Variants in ENPEP observed in about 807,000 individuals in gnomAD.
ENPEP encodes the protein AP-A.
In ENPEP, 103 loss-of-function variants were observed where a neutral mutation model predicts 114.5. The observed-to-expected ratio is 0.90, with a 90% CI of 0.77 to 1.06. The LOEUF (loss-of-function observed/expected upper bound fraction) is 1.06. Ranked by LOEUF, ENPEP falls within the 50% of genes least tolerant of loss-of-function variation. ENPEP has a pLI of 0.00. For missense variants in ENPEP, 1,196 were observed against 1,161.3 expected, an observed-to-expected ratio of 1.03 and a Z score of -0.43; for synonymous variants, 420 against 422.0, an observed-to-expected ratio of 1.00 and a Z score of 0.06.
At chr4:110,536,366 T>A (rs1256855057) in intron 11 of ENPEP, among the ~76,000 whole-genome samples, 1 of 152,206 alleles carries the variant, frequency 6.6e-6, no homozygotes, top group Non-Finnish European at 1.5e-5. Flanking sequence ...TCCTGTCTTC[T>A]TCCTTCTTAT....
rs180886682 is a variant in ENPEP, at chr4:110,536,771, T to A, written c.1807+5494T>A. ...TTTCAACTACCAAAATTATTGCTAA[T>A]TGTAATCTTTCCTCATGATAATTGG... On this transcript the variant is annotated intron_variant, in intron 11 of 19. Coordinates refer to ENST00000265162, the MANE Select transcript of ENPEP (RefSeq NM_001977.4). Among the ~76,000 whole-genome samples, 299 of 152,304 alleles carry A rather than the reference T, an allele frequency of 2.0e-3. 2 individuals carry two copies. The highest frequency in any genetic ancestry group is 7.0e-3 in the African/African-American group (292 of 41,560).
chr4:110,510,176 T>G, intron 5 of ENPEP, 69 bp from the exon 6 acceptor site: 1 of 1,293,376 alleles, frequency 7.7e-7, no homozygotes, highest in Non-Finnish European at 1.1e-6. Flanking sequence ...ATAAATGTTT[T>G]GACATTTTCT....
At position 110,549,442 on chromosome 4, in the gene ENPEP, T is replaced by G. The variant is rs1272407649; in HGVS notation, c.2225+23T>G. Reference sequence around the variant, plus strand: ...AAAGTTATTCTCACTTTTTAACAACTAAAATTCATTTAACATTTGTTTTTT... The same window carrying G: ...AAAGTTATTCTCACTTTTTAACAACGAAAATTCATTTAACATTTGTTTTTT... On this transcript the variant is annotated intron_variant, in intron 15 of 19. Coordinates refer to ENST00000265162, the MANE Select transcript of ENPEP (RefSeq NM_001977.4). The G allele has an allele frequency of 5.6e-6, 9 of 1,612,510 alleles. No homozygotes were observed. In the South Asian group the frequency reaches 7.7e-5, roughly 14 times the overall value.
intron 1 of ENPEP, among the ~76,000 whole-genome samples, chr4:110,478,675 G>T (rs1449621461): frequency 6.6e-6 from 1 of 152,184 alleles, no homozygotes; most frequent in Non-Finnish European, 1.5e-5. Flanking sequence ...CTGGACTCAA[G>T]CAATCCTCCT....
At chr4:110,535,366 TAATACCAAA>T (rs1726573319) in intron 11 of ENPEP, among the ~76,000 whole-genome samples, 2 of 152,228 alleles carry the variant, frequency 1.3e-5, no homozygotes, top group Non-Finnish European at 2.9e-5. Context: ...CATAAATATT[TAATACCAAA>T]ATAATGATGG....
chr4:110,542,121 T>A (rs478454), intron 11 of ENPEP, among the ~76,000 whole-genome samples: 1 of 151,926 alleles, frequency 6.6e-6, no homozygotes, highest in East Asian at 1.9e-4. Flanking sequence ...ATAAATAAAT[T>A]GGAAGAACAA....
chr4:110,549,300 A>G (rs200494013), intron 14 of ENPEP, 46 bp from the exon 15 acceptor site: 1 of 1,450,526 alleles, frequency 6.9e-7, no homozygotes, highest in East Asian at 2.3e-5. Context: ...GATACTACTG[A>G]TATGTAGTAA....
In ENPEP at chr4:110,525,039, A is replaced by G. The variant is rs796735286; in HGVS notation, c.1727+4673A>G. 7.2e-5 allele frequency among the ~76,000 whole-genome samples: 11 copies of G among 152,224 alleles called. No individual in the cohort carries two copies. The South Asian group carries it at 2.3e-3, about 31-fold the overall frequency. Reference sequence around the variant, plus strand: ...AGTGTTAGGATTACAAGTGTGAGCCATCGCAGATGACCTCAAATTTTAAAA... The same window carrying G: ...AGTGTTAGGATTACAAGTGTGAGCCGTCGCAGATGACCTCAAATTTTAAAA... On this transcript the variant is annotated intron_variant, in intron 10 of 19. Coordinates refer to ENST00000265162, the MANE Select transcript of ENPEP (RefSeq NM_001977.4).
At position 110,515,362 on chromosome 4, in the gene ENPEP, T is replaced by G. The variant is rs1192720940; in HGVS notation, c.1444-15T>G. The G allele has an allele frequency of 6.2e-7, 1 of 1,604,660 alleles. No homozygotes were observed. The highest frequency in any genetic ancestry group is 2.2e-5 in the East Asian group (1 of 44,572). Reference sequence around the variant, plus strand: ...GCCTTTATTAGTTTCATTTGTCTTTTTATCCCCATTGTAGGGATCTTCTAT... The same window carrying G: ...GCCTTTATTAGTTTCATTTGTCTTTGTATCCCCATTGTAGGGATCTTCTAT... On this transcript the variant is annotated splice_polypyrimidine_tract_variant and intron_variant, in intron 7 of 19. Coordinates refer to ENST00000265162, the MANE Select transcript of ENPEP (RefSeq NM_001977.4).
At chr4:110,510,761 G>A (rs916561805) in intron 6 of ENPEP, among the ~76,000 whole-genome samples, 10 of 152,194 alleles carry the variant, frequency 6.6e-5, no homozygotes, top group African/African-American at 2.4e-4. Flanking sequence ...GTGATGAAGA[G>A]ATAACATAAA....
chr4:110,501,179 G>A (rs1193406036), intron 3 of ENPEP, among the ~76,000 whole-genome samples: 1 of 152,170 alleles, frequency 6.6e-6, no homozygotes, highest in Non-Finnish European at 1.5e-5. Flanking sequence ...TTAATGGGCT[G>A]TAGCTATATA....
chr4:110,506,688 A>G lies in ENPEP; in HGVS notation c.970A>G (p.Asn324Asp), dbSNP rs1357172069. Residue 324 changes from asparagine (N) to aspartate (D), a missense_variant, in exon 4 of 20, where the codon AAC becomes GAC. By Grantham distance (23) the Asn-to-Asp change is conservative. Transcript: ENST00000265162. Reference protein sequence around the residue: ...EQKHTAEYAANITKSVFDYFE... With the variant: ...EQKHTAEYAADITKSVFDYFE... ...AAAGCACACAGCCGAATATGCTGCA[A>G]ACATAACTAAAAGTGTGTTTGATTA... 1.2e-6 allele frequency: 2 copies of G among 1,612,652 alleles called. No homozygotes were observed. Among genetic ancestry groups the G allele is most frequent in the Non-Finnish European group, 1.7e-6 (2 of 1,179,136 alleles).
At position 110,501,912 on chromosome 4, in the gene ENPEP, T is replaced by C. The variant is rs147981730; in HGVS notation, c.919-4725T>C. On this transcript the variant is annotated intron_variant, in intron 3 of 19. Coordinates refer to ENST00000265162, the MANE Select transcript of ENPEP (RefSeq NM_001977.4). ...AATTTGCATTCCCACCAACAGTGTA[T>C]AAGTGTTCCTTTTTCTCTACAAGTT... Among the ~76,000 whole-genome samples the C allele has an allele frequency of 1.3e-3, 196 of 152,308 alleles. 2 individuals are homozygous for C. In the East Asian group the frequency reaches 0.018, roughly 14 times the overall value.
chr4:110,530,726 T>A (rs1285090143), intron 10 of ENPEP, among the ~76,000 whole-genome samples: 1 of 152,116 alleles, frequency 6.6e-6, no homozygotes, highest in Non-Finnish European at 1.5e-5. Context: ...ATGATGGTGG[T>A]GGTAGACTTT....
At chr4:110,487,898 T>C (rs1013339469) in intron 1 of ENPEP, among the ~76,000 whole-genome samples, 172 of 151,372 alleles carry the variant, frequency 1.1e-3, no homozygotes, top group African/African-American at 4.0e-3. Flanking sequence ...GTTAGAGCCA[T>C]AAAAAAAAAT....
Position 110,520,320 on chromosome 4 carries a change from T to A in ENPEP, c.1681T>A (p.Leu561Met). 2 of 1,614,102 alleles carry A rather than the reference T, an allele frequency of 1.2e-6. No homozygotes were observed. Among genetic ancestry groups the A allele is most frequent in the Non-Finnish European group, 1.7e-6 (2 of 1,179,970 alleles). The change falls in exon 10 of 20, where the codon TTG becomes ATG. Residue 561 changes from leucine to methionine, a missense_variant. Physicochemically the swap from Leu to Met is conservative, Grantham distance 15 (BLOSUM62 2). Transcript: ENST00000265162. ...GVKNITQKRF[L>M]LDPRANPSQP... is the part of the protein sequence containing the mutation. ...CAAGAACATCACACAGAAACGCTTT[T>A]TGTTGGACCCAAGAGCTAACCCTTC...
intron 6 of ENPEP, chr4:110,513,196 T>C (rs1285600848): frequency 8.1e-6 from 3 of 371,116 alleles, no homozygotes; most frequent in Admixed American, 4.8e-5. Flanking sequence ...TCTCGGCCTG[T>C]CATCTGGGGG....
At chr4:110,531,343 T>A (rs1050190316) in intron 11 of ENPEP, 66 bp downstream of exon 11, 3 of 1,217,314 alleles carry the variant, frequency 2.5e-6, no homozygotes, top group African/African-American at 1.6e-5. Context: ...AATATAAGTA[T>A]AAAGATGCAA....
At chr4:110,490,859 C>G (rs2110338354) in intron 2 of ENPEP, among the ~76,000 whole-genome samples, 174 bp from the exon 3 acceptor site, 1 of 152,314 alleles carries the variant, frequency 6.6e-6, no homozygotes, top group East Asian at 1.9e-4. Flanking sequence ...GTTCTAAAAA[C>G]AAAGTAAATT....
Sources: gnomAD v4.1 joint callset for allele counts (sites outside exome capture counted in the v4.1 genomes callset) on GRCh38, gnomAD v4.1.1 for gene constraint, MANE v1.5 for transcripts, NCBI Gene and HGNC (gene_info 2026-07-23, HGNC 2026-07-21) for gene names.